The following ADCY8 variants were observed in gnomAD, a reference collection of about 807,000 sequenced individuals.
ADCY8 encodes adenylate cyclase type 8.
In ADCY8, 51 loss-of-function variants were observed where a neutral mutation model predicts 119.7. The observed-to-expected ratio is 0.43, with a 90% CI of 0.34 to 0.54. ADCY8 has a LOEUF of 0.54. Among genes scored for constraint, ADCY8 ranks in the 20% least tolerant of loss-of-function variants. ADCY8 has a pLI of 0.03. For synonymous variants in ADCY8, 665 were observed against 651.0 expected, an observed-to-expected ratio of 1.02 and a Z score of -0.33; for missense variants, 1,383 against 1,598.8, an observed-to-expected ratio of 0.87 and a Z score of 2.30.
intron 2 of ADCY8, among the ~76,000 whole-genome samples, chr8:130,984,132 C>T (rs1480393127): frequency 6.6e-6 from 1 of 151,850 alleles, no homozygotes; most frequent in Admixed American, 6.6e-5. Flanking sequence ...CAAGAGCTTG[C>T]ATGGGCGGGC....
intron 2 of ADCY8, among the ~76,000 whole-genome samples, chr8:130,989,521 A>G (rs1379598711): frequency 6.6e-6 from 1 of 152,228 alleles, no homozygotes; most frequent in African/African-American, 2.4e-5. Context: ...CTTAGTTAAA[A>G]AAAGGTCTAG....
At chr8:131,009,673 C>T (rs993001719) in intron 1 of ADCY8, among the ~76,000 whole-genome samples, 1 of 152,220 alleles carries the variant, frequency 6.6e-6, no homozygotes, top group Non-Finnish European at 1.5e-5. Flanking sequence ...CTTTTAAGCA[C>T]TAACTATACT....
chr8:130,988,055 C>T (rs17327852), intron 2 of ADCY8, among the ~76,000 whole-genome samples: 10,142 of 152,282 alleles, frequency 0.067, 440 homozygotes, highest in Middle Eastern at 0.17. Context: ...TTATTATTCC[C>T]ATGCCATTGA....
intron 15 of ADCY8, among the ~76,000 whole-genome samples, chr8:130,794,552 T>C (rs1815521817): frequency 6.6e-6 from 1 of 152,222 alleles, no homozygotes; most frequent in African/African-American, 2.4e-5. Flanking sequence ...CTCTGTTGTT[T>C]AAAGACACCA....
intron 12 of ADCY8, among the ~76,000 whole-genome samples, chr8:130,833,846 T>C (rs536846810): frequency 7.9e-5 from 12 of 152,190 alleles, no homozygotes; most frequent in Non-Finnish European, 1.8e-4. Context: ...TTTGAACTCA[T>C]AGAAGCAGAT....
At chr8:131,003,163 C>T (rs544176691) in intron 1 of ADCY8, among the ~76,000 whole-genome samples, 252 of 151,148 alleles carry the variant, frequency 1.7e-3, no homozygotes, top group South Asian at 5.9e-3. Flanking sequence ...GAGCTGAGAT[C>T]GCACCATTGC....
At chr8:130,821,903 G>A (rs1306639402) in intron 12 of ADCY8, among the ~76,000 whole-genome samples, 1 of 152,154 alleles carries the variant, frequency 6.6e-6, no homozygotes, top group East Asian at 1.9e-4. Context: ...TGAGGATTAA[G>A]AGGACCAAAT....
intron 5 of ADCY8, among the ~76,000 whole-genome samples, chr8:130,910,837 A>G (rs1177898877): frequency 5.3e-5 from 8 of 152,226 alleles, no homozygotes; most frequent in Admixed American, 2.0e-4. Flanking sequence ...TTTCTTTCAG[A>G]GTATTTTGAA....
At chr8:130,815,622 A>G (rs1313266347) in intron 13 of ADCY8, among the ~76,000 whole-genome samples, 1 of 152,272 alleles carries the variant, frequency 6.6e-6, no homozygotes, top group Non-Finnish European at 1.5e-5. Context: ...CTTGATTCAA[A>G]AATCAGAATA....
intron 15 of ADCY8, among the ~76,000 whole-genome samples, chr8:130,798,921 A>G (rs1815676442): frequency 6.6e-6 from 1 of 152,106 alleles, no homozygotes; most frequent in Admixed American, 6.6e-5. Flanking sequence ...ACACACATAC[A>G]CATATACACA....
intron 2 of ADCY8, among the ~76,000 whole-genome samples, chr8:130,958,433 C>A (rs1821498659): frequency 6.6e-6 from 1 of 152,168 alleles, no homozygotes; most frequent in African/African-American, 2.4e-5. Context: ...CCTCTCATTT[C>A]ATGTGCTCTG....
chr8:131,007,499 T>A (rs1823158903), intron 1 of ADCY8, among the ~76,000 whole-genome samples: 1 of 152,122 alleles, frequency 6.6e-6, no homozygotes. Context: ...CAAGACAATA[T>A]TCTCTCCCCC....
intron 4 of ADCY8, among the ~76,000 whole-genome samples, chr8:130,939,699 G>T (rs1820899879): frequency 6.6e-6 from 1 of 152,192 alleles, no homozygotes; most frequent in African/African-American, 2.4e-5. Context: ...TATGTGACAA[G>T]TGCCAAAATA....
In ADCY8 at chr8:130,860,798, C is replaced by A. The variant is rs201680684; in HGVS notation, c.2210+7048G>T. On this transcript the variant is annotated intron_variant, in intron 9 of 17. Coordinates refer to ENST00000286355, the MANE Select transcript of ADCY8 (RefSeq NM_001115.3). ...TAAAGCTCTCCCTTCCCTTGCCCCC[C>A]ACCCCCAACAGGCCCCGGTGTGTGA... Among the ~76,000 whole-genome samples, 29 of 152,210 alleles carry A rather than the reference C, an allele frequency of 1.9e-4. No homozygotes were observed. In the East Asian group the frequency reaches 2.9e-3, roughly 15 times the overall value.
At chr8:130,817,715 C>T (rs764351277) in intron 13 of ADCY8, among the ~76,000 whole-genome samples, 2 of 152,124 alleles carry the variant, frequency 1.3e-5, no homozygotes, top group Non-Finnish European at 2.9e-5. Flanking sequence ...TCATGGTCAC[C>T]TCTGAATGAT....
At chr8:131,022,335 A>C (rs1198111865) in intron 1 of ADCY8, among the ~76,000 whole-genome samples, 22 of 151,988 alleles carry the variant, frequency 1.4e-4, no homozygotes, top group Admixed American at 1.4e-3. Flanking sequence ...ATGTGTTCTC[A>C]TTGCTCAACT....
At position 130,969,794 on chromosome 8, in the gene ADCY8, C is replaced by T. The variant is rs140499518; in HGVS notation, c.1111-17796G>A. ...GACTGCTTCTTATGCATCATCTCCGCCCCTGCCAACAGGGAACAGATAAGG... is the reference window on the plus strand; with the variant it reads ...GACTGCTTCTTATGCATCATCTCCGTCCCTGCCAACAGGGAACAGATAAGG... On this transcript the variant is annotated intron_variant, in intron 2 of 17. Transcript: ENST00000286355. Among the ~76,000 whole-genome samples, 89 of 152,258 alleles carry T rather than the reference C, an allele frequency of 5.8e-4. No individual in the cohort carries two copies. The East Asian group carries it at 0.014, about 23-fold the overall frequency.
At chr8:130,920,631 G>A (rs1820272910) in intron 5 of ADCY8, among the ~76,000 whole-genome samples, 2 of 152,212 alleles carry the variant, frequency 1.3e-5, no homozygotes, top group Non-Finnish European at 2.9e-5. Flanking sequence ...TATTGCCTAA[G>A]GGAGGGAGGA....
chr8:130,961,435 C>T (rs975264422), intron 2 of ADCY8, among the ~76,000 whole-genome samples: 4 of 151,872 alleles, frequency 2.6e-5, no homozygotes, highest in African/African-American at 9.7e-5. Context: ...TCATAAATCT[C>T]TTCATAAATC....
Sources: allele counts gnomAD v4.1 joint callset (sites outside exome capture counted in the v4.1 genomes callset), GRCh38; gene constraint gnomAD v4.1.1; transcripts MANE v1.5; gene names NCBI Gene and HGNC (gene_info 2026-07-23, HGNC 2026-07-21).